CPNE1: variants seen among roughly 807,000 people sequenced by gnomAD.
CPNE1 encodes copine-1.
A neutral mutation model predicts 63.2 loss-of-function variants in CPNE1; 58 were observed. That is an observed-to-expected ratio of 0.92 (90% confidence interval 0.74 to 1.14). CPNE1 has a LOEUF of 1.14. Ranked by LOEUF, CPNE1 falls within the 50% of genes most tolerant of loss-of-function variation. The pLI, the probability that CPNE1 is intolerant of heterozygous loss-of-function variation, is 0.00. For synonymous variants in CPNE1, 237 were observed against 249.0 expected (o/e 0.95, Z 0.45); for missense variants, 672 against 661.7 (o/e 1.02, Z -0.17).
intron 1 of CPNE1, chr20:35,653,474 G>C: frequency 6.2e-7 from 1 of 1,614,162 alleles, no homozygotes; most frequent in African/African-American, 1.3e-5. Context: ...GTAACTACAT[G>C]AACAAAAGCT....
chr20:35,660,917 C>T (rs2034198986), intron 1 of CPNE1, among the ~76,000 whole-genome samples: 1 of 152,240 alleles, frequency 6.6e-6, no homozygotes, highest in African/African-American at 2.4e-5. Context: ...CTCACCAGGT[C>T]TACTCTCAAA....
chr20:35,641,117 C>A (rs1181237511), intron 1 of CPNE1, among the ~76,000 whole-genome samples: 1 of 152,222 alleles, frequency 6.6e-6, no homozygotes, highest in African/African-American at 2.4e-5. Flanking sequence ...TTAAGAAAGG[C>A]ATACTCATTC....
chr20:35,626,140 T>C lies in CPNE1; in HGVS notation c.*101A>G, dbSNP rs771701867. On this transcript the variant is annotated 3_prime_UTR_variant, in exon 16 of 16. Transcript: ENST00000397443. ...AAACAAGTATAAAAGTATCAAAAAATACAAAGTGCTAGCACTGAGGAGAGT... is the reference window on the plus strand; with the variant it reads ...AAACAAGTATAAAAGTATCAAAAAACACAAAGTGCTAGCACTGAGGAGAGT... 4 of 1,236,928 alleles carry C rather than the reference T, an allele frequency of 3.2e-6. No homozygotes were observed. The highest frequency in any genetic ancestry group is 1.9e-4 in the Middle Eastern group (1 of 5,238). 76.6% of individuals were successfully genotyped at this position (1,236,928 alleles called of 1,614,324 possible).
At position 35,630,544 on chromosome 20, in the gene CPNE1, A is replaced by T. The variant is rs565871221; in HGVS notation, c.1051-54T>A. On this transcript the variant is annotated intron_variant, in intron 12 of 15. Transcript: ENST00000397443. ...TTCCCCATGACCTCTGCTAAGAATG[A>T]AAAAGGACACTGGCGTGTGCCAAGA... 303 of 1,587,580 alleles carry T rather than the reference A, an allele frequency of 1.9e-4. 1 individual carries two copies. Among genetic ancestry groups the T allele is most frequent in the Middle Eastern group, 3.3e-4 (2 of 6,006 alleles).
At chr20:35,654,192 G>A (rs758454131) in intron 1 of CPNE1, 1 of 1,614,076 alleles carries the variant, frequency 6.2e-7, no homozygotes, top group Non-Finnish European at 8.5e-7. Flanking sequence ...GTCTTTCTGT[G>A]GCAGGGCTAA....
chr20:35,633,063 G>A, intron 1 of CPNE1, 140 bp from the exon 2 acceptor site: 1 of 680,378 alleles, frequency 1.5e-6, no homozygotes, highest in South Asian at 1.8e-5. Context: ...CCAAGGAAGA[G>A]AAGGCCTCAT....
In CPNE1 at chr20:35,632,635, A is replaced by G; in HGVS notation, c.191T>C (p.Leu64Pro). The G allele has an allele frequency of 6.6e-7, 1 of 1,507,292 alleles. No homozygotes were observed. Among genetic ancestry groups the G allele is most frequent in the Non-Finnish European group, 9.2e-7 (1 of 1,082,650 alleles). 93.4% of individuals were successfully genotyped at this position (1,507,292 alleles called of 1,614,324 possible). A position where few individuals can be genotyped will look rare whatever the true frequency, so the allele number is the denominator to read the frequency against. ...SSPEFSKTLQLEYRFETVQKL... is the reference protein window; with the variant it reads ...SSPEFSKTLQPEYRFETVQKL... Reference sequence around the variant, plus strand: ...CTGGACTGTCTCAAAGCGGTACTCAAGCTGTAGAGTCTTGGAGAACTCAGG... The same window carrying G: ...CTGGACTGTCTCAAAGCGGTACTCAGGCTGTAGAGTCTTGGAGAACTCAGG... The change falls in exon 3 of 16, where the codon CTT becomes CCT. Residue 64 changes from leucine to proline, a missense_variant. By Grantham distance (98) the Leu-to-Pro change is moderately conservative. Coordinates refer to ENST00000397443, the MANE Select transcript of CPNE1 (RefSeq NM_152925.3).
rs142963433 is a variant in CPNE1, at chr20:35,654,333, A to G, written c.-1+10427T>C. 5.6e-6 allele frequency: 9 copies of G among 1,614,096 alleles called. No individual in the cohort carries two copies. The African/African-American group carries it at 6.7e-5, about 12-fold the overall frequency. Reference sequence around the variant, plus strand: ...CATGATCTTTCAACAAATGCACTGCATCAACACGGAGCCCATGAAAAAAAT... The same window carrying G: ...CATGATCTTTCAACAAATGCACTGCGTCAACACGGAGCCCATGAAAAAAAT... On this transcript the variant is annotated intron_variant, in intron 1 of 15. Transcript: ENST00000397443.
At position 35,627,112 on chromosome 20, in the gene CPNE1, CAG is replaced by C. The variant is rs544411521; in HGVS notation, c.1236+166_1236+167del. On this transcript the variant is annotated intron_variant, in intron 14 of 15. Transcript: ENST00000397443. ...CTGAGGCAGGAGAATCACTTGAACC[CAG>C]GAGGTGCAGGTTGCAGTGAGCTGAG... 2.6e-4 allele frequency among the ~76,000 whole-genome samples: 38 copies of C among 144,540 alleles called. 2 individuals carry two copies. Among genetic ancestry groups the C allele is most frequent in the Middle Eastern group, 3.8e-3 (1 of 264 alleles). 94.8% of individuals were successfully genotyped at this position (144,540 alleles called of 152,430 possible).
intron 1 of CPNE1, among the ~76,000 whole-genome samples, chr20:35,662,263 T>A (rs2034273050): frequency 6.6e-6 from 1 of 152,226 alleles, no homozygotes; most frequent in Non-Finnish European, 1.5e-5. Flanking sequence ...AACAAAAATG[T>A]TGCTACCTTC....
At chr20:35,648,321 T>C (rs990372153) in intron 1 of CPNE1, among the ~76,000 whole-genome samples, 2 of 152,202 alleles carry the variant, frequency 1.3e-5, no homozygotes, top group Non-Finnish European at 2.9e-5. Flanking sequence ...AAGCTCTACT[T>C]TTGGGAGATT....
intron 1 of CPNE1, chr20:35,659,121 T>C (rs576250971): frequency 3.5e-5 from 15 of 433,572 alleles, no homozygotes; most frequent in Non-Finnish European, 5.5e-5. Context: ...ACCAGAGTAC[T>C]TCATTAGAAT....
At chr20:35,626,911 G>T in intron 14 of CPNE1, 108 bp from the exon 15 acceptor site, 1 of 936,090 alleles carries the variant, frequency 1.1e-6, no homozygotes, top group Non-Finnish European at 1.7e-6. Flanking sequence ...TTACAGGCCG[G>T]GTGCGATGGC....
At chr20:35,661,453 T>C (rs950006989) in intron 1 of CPNE1, among the ~76,000 whole-genome samples, 4 of 152,202 alleles carry the variant, frequency 2.6e-5, no homozygotes, top group African/African-American at 7.2e-5. Flanking sequence ...ATTCTATCTA[T>C]ACATACAGCA....
chr20:35,659,770 A>G (rs1199318009), intron 1 of CPNE1, among the ~76,000 whole-genome samples: 1 of 152,226 alleles, frequency 6.6e-6, no homozygotes, highest in Non-Finnish European at 1.5e-5. Context: ...CATTTCTTCC[A>G]AACTGGTGAG....
At chr20:35,654,986 T>G in intron 1 of CPNE1, 1 of 1,614,194 alleles carries the variant, frequency 6.2e-7, no homozygotes, top group South Asian at 1.1e-5. Flanking sequence ...CTGCTACTCA[T>G]TCCTGAGCTA....
chr20:35,648,323 T>G (rs1845849319), intron 1 of CPNE1, among the ~76,000 whole-genome samples: 1 of 152,252 alleles, frequency 6.6e-6, no homozygotes, highest in African/African-American at 2.4e-5. Flanking sequence ...GCTCTACTTT[T>G]GGGAGATTAG....
Position 35,626,300 on chromosome 20 carries a change from C to A in CPNE1, c.1555G>T (p.Ala519Ser). The A allele has an allele frequency of 6.2e-7, 1 of 1,613,958 alleles. No homozygotes were observed. Among genetic ancestry groups the A allele is most frequent in the South Asian group, 1.1e-5 (1 of 91,084 alleles). The part of the protein sequence containing the change: ...LVSYFRAQGW[A>S]PLKPLPPSAK... ...GAGGGTGGAAGTGGCTTGAGCGGGG[C>A]CCAACCCTGGGCCCTGAAGTATGAG... Residue 519 changes from alanine to serine, a missense_variant, in exon 16 of 16, where the codon GCC becomes TCC. Physicochemically the swap from Ala to Ser is moderately conservative, Grantham distance 99. Transcript: ENST00000397443.
chr20:35,646,002 A>G (rs1054853769), intron 1 of CPNE1, among the ~76,000 whole-genome samples: 2 of 151,920 alleles, frequency 1.3e-5, no homozygotes, highest in Non-Finnish European at 2.9e-5. Flanking sequence ...CAGCACTTTG[A>G]GAGGCCAAGG....
Sources: allele counts gnomAD v4.1 joint callset (sites outside exome capture counted in the v4.1 genomes callset), GRCh38; gene constraint gnomAD v4.1.1; transcripts MANE v1.5; gene names NCBI Gene and HGNC (gene_info 2026-07-23, HGNC 2026-07-21).